The following CNTN5 variants were observed in gnomAD, a reference collection of about 807,000 sequenced individuals.
CNTN5 encodes the protein contactin 5.
CNTN5 carries 77 observed loss-of-function variants against 129.1 expected under a neutral mutation model. The observed-to-expected ratio is 0.60, with a 90% confidence interval of 0.50 to 0.72. The LOEUF (loss-of-function observed/expected upper bound fraction) is 0.72, where lower values mean the gene tolerates loss of function less well. CNTN5 is among the 30% of genes least tolerant of loss of function. The pLI is 0.00. For missense variants in CNTN5, 1,478 were observed against 1,328.8 expected, an observed-to-expected ratio of 1.11 and a Z score of -1.75; for synonymous variants, 509 against 465.6, an observed-to-expected ratio of 1.09 and a Z score of -1.20.
intron 3 of CNTN5, among the ~76,000 whole-genome samples, chr11:99,677,058 AT>A (rs2134687410): frequency 6.6e-6 from 1 of 152,174 alleles, no homozygotes; most frequent in Admixed American, 6.5e-5. Context: ...TATTTTTAAA[AT>A]AAAAACGTTC....
At chr11:99,052,682 G>A (rs1248015656) in intron 1 of CNTN5, among the ~76,000 whole-genome samples, 2 of 151,806 alleles carry the variant, frequency 1.3e-5, no homozygotes, top group African/African-American at 4.8e-5. Flanking sequence ...AGTTAATGTG[G>A]CCAAACTCTC....
At chr11:99,259,595 A>T (rs1862535728) in intron 1 of CNTN5, among the ~76,000 whole-genome samples, 1 of 151,818 alleles carries the variant, frequency 6.6e-6, no homozygotes, top group Admixed American at 6.6e-5. Flanking sequence ...CCTGAACTAC[A>T]GTAATTTTAT....
intron 2 of CNTN5, among the ~76,000 whole-genome samples, chr11:99,497,332 G>T (rs1946263665): frequency 6.6e-6 from 1 of 152,142 alleles, no homozygotes; most frequent in Non-Finnish European, 1.5e-5. Flanking sequence ...GATAAAACTA[G>T]TCAGAAGCCA....
At chr11:99,226,915 C>T (rs1029598399) in intron 1 of CNTN5, among the ~76,000 whole-genome samples, 2 of 152,048 alleles carry the variant, frequency 1.3e-5, no homozygotes, top group South Asian at 2.1e-4. Flanking sequence ...TTAGTTACCT[C>T]GTATACAGAT....
chr11:99,783,664 T>C (rs1945399654), intron 3 of CNTN5, among the ~76,000 whole-genome samples: 1 of 140,764 alleles, frequency 7.1e-6, no homozygotes, highest in Non-Finnish European at 1.5e-5. Flanking sequence ...GTTCATGTCC[T>C]TTGTAGGGAC....
chr11:100,091,269 C>T (rs1233291674), intron 13 of CNTN5, among the ~76,000 whole-genome samples: 1 of 151,674 alleles, frequency 6.6e-6, no homozygotes, highest in Non-Finnish European at 1.5e-5. Context: ...AAATCTAGGT[C>T]TCAGGTCAAA....
intron 13 of CNTN5, among the ~76,000 whole-genome samples, chr11:100,152,865 A>G (rs913227373): frequency 2.6e-5 from 4 of 152,110 alleles, no homozygotes; most frequent in African/African-American, 9.6e-5. Context: ...AGAAAGTTAA[A>G]TAATGTGCCA....
intron 15 of CNTN5, among the ~76,000 whole-genome samples, chr11:100,208,359 T>A (rs548844298): frequency 6.6e-6 from 1 of 152,206 alleles, no homozygotes; most frequent in African/African-American, 2.4e-5. Context: ...CTTCAAGGCA[T>A]TCATTTCGGG....
chr11:99,266,509 G>T (rs181143121), intron 1 of CNTN5, among the ~76,000 whole-genome samples: 33 of 152,160 alleles, frequency 2.2e-4, no homozygotes, highest in African/African-American at 7.5e-4. Context: ...GGCTGAGGCT[G>T]GAGGATTGCT....
At chr11:99,836,322 G>A (rs1363690550) in intron 4 of CNTN5, among the ~76,000 whole-genome samples, 1 of 137,588 alleles carries the variant, frequency 7.3e-6, no homozygotes, top group African/African-American at 2.8e-5. Flanking sequence ...GCCCTGGTGT[G>A]TGATGTTCCC....
At chr11:99,489,209 C>A (rs1945937955) in intron 2 of CNTN5, among the ~76,000 whole-genome samples, 1 of 152,082 alleles carries the variant, frequency 6.6e-6, no homozygotes, top group Non-Finnish European at 1.5e-5. Context: ...TCTTTTTAGT[C>A]AACTTGCTAA....
chr11:99,029,274 G>A, intron 1 of CNTN5, among the ~76,000 whole-genome samples: 1 of 151,398 alleles, frequency 6.6e-6, no homozygotes, highest in East Asian at 1.9e-4. Context: ...AGGGGATATT[G>A]AGATCTTTAG....
intron 6 of CNTN5, among the ~76,000 whole-genome samples, chr11:99,860,108 C>T (rs1418596141): frequency 2.0e-5 from 3 of 152,004 alleles, no homozygotes; most frequent in African/African-American, 4.8e-5. Flanking sequence ...ATGTGGAGTA[C>T]TTCTTCCATA....
chr11:99,623,231 T>G (rs576674872), intron 3 of CNTN5, among the ~76,000 whole-genome samples: 1 of 152,192 alleles, frequency 6.6e-6, no homozygotes, highest in Non-Finnish European at 1.5e-5. Flanking sequence ...AAAACCTCAC[T>G]AAAAATAATT....
intron 15 of CNTN5, among the ~76,000 whole-genome samples, chr11:100,205,278 A>G (rs1024560198): frequency 4.6e-5 from 7 of 152,006 alleles, no homozygotes; most frequent in Non-Finnish European, 8.8e-5. Context: ...ACTAAGTGTT[A>G]TGATATATTT....
intron 13 of CNTN5, among the ~76,000 whole-genome samples, chr11:100,100,100 A>G (rs12575570): frequency 0.071 from 10,728 of 152,122 alleles, 477 homozygotes; most frequent in Middle Eastern, 0.23. Flanking sequence ...CACAGCTCTC[A>G]TATAATCTGC....
chr11:100,271,124 G>A lies in CNTN5; in HGVS notation c.2197G>A (p.Ala733Thr). The A allele has an allele frequency of 6.2e-7, 1 of 1,612,144 alleles. No homozygotes were observed. The highest frequency in any genetic ancestry group is 8.5e-7 in the Non-Finnish European group (1 of 1,179,128). ...AATCATAACAGGGGACATGGAGTCA[G>A]CCATGGCTGTGGACCTAAATCCCTG... is the stretch of plus-strand genomic sequence containing the variant. ...PEIITGDMESAMAVDLNPWVE... is the reference protein window; with the variant it reads ...PEIITGDMESTMAVDLNPWVE... The change falls in exon 18 of 25, where the codon GCC (alanine) becomes ACC (threonine). Residue 733 changes from alanine (A) to threonine (T), a missense_variant. Transcript: ENST00000524871.
At chr11:99,226,471 A>G (rs1179699954) in intron 1 of CNTN5, among the ~76,000 whole-genome samples, 1 of 152,154 alleles carries the variant, frequency 6.6e-6, no homozygotes, top group Non-Finnish European at 1.5e-5. Context: ...TGCGCTTCGT[A>G]TCTTCTGGCT....
At chr11:99,466,413 C>T (rs1158382386) in intron 2 of CNTN5, among the ~76,000 whole-genome samples, 2 of 152,032 alleles carry the variant, frequency 1.3e-5, no homozygotes, top group Non-Finnish European at 2.9e-5. Flanking sequence ...TTCACTTTAC[C>T]TTCTCGATAT....
Sources: gnomAD v4.1 joint callset for allele counts (sites outside exome capture counted in the v4.1 genomes callset) on GRCh38, gnomAD v4.1.1 for gene constraint, MANE v1.5 for transcripts, NCBI Gene and HGNC (gene_info 2026-07-23, HGNC 2026-07-21) for gene names.